Variants in FAF1 observed in about 807,000 individuals in gnomAD.
FAF1 encodes Fas associated factor 1, also known as FAS-associated factor 1.
Under a neutral mutation model 92.5 loss-of-function variants are expected in FAF1, and 25 were observed. The ratio of observed to expected loss-of-function variants is 0.27; its 90% CI spans 0.20 to 0.38. FAF1 has a LOEUF of 0.38. FAF1 is among the 10% of genes least tolerant of loss of function. The pLI is 1.00. For synonymous variants in FAF1, 234 were observed against 273.2 expected (o/e 0.86, Z 1.42); for missense variants, 636 against 793.3 (o/e 0.80, Z 2.38).
At chr1:50,866,142 T>C (rs562188083) in intron 1 of FAF1, among the ~76,000 whole-genome samples, 24 of 152,052 alleles carry the variant, frequency 1.6e-4, no homozygotes, top group Middle Eastern at 6.8e-3. Context: ...GTTGACAAAA[T>C]CCAGCATTTC....
chr1:50,900,041 T>C (rs1644784319), intron 1 of FAF1, among the ~76,000 whole-genome samples: 1 of 152,218 alleles, frequency 6.6e-6, no homozygotes, highest in Admixed American at 6.5e-5. Context: ...CCATTTACTT[T>C]ACTTTTTCTT....
At chr1:50,852,545 T>C (rs1192234572) in intron 2 of FAF1, among the ~76,000 whole-genome samples, 1 of 152,076 alleles carries the variant, frequency 6.6e-6, no homozygotes, top group Non-Finnish European at 1.5e-5. Flanking sequence ...TATTTATAAG[T>C]GGTAGGAAGA....
rs753418578 is a variant in FAF1, at chr1:50,535,366, T to C, written c.1494+3A>G. 4.4e-6 allele frequency: 7 copies of C among 1,595,850 alleles called. No individual in the cohort carries two copies. The highest frequency in any genetic ancestry group is 4.3e-6 in the Non-Finnish European group (5 of 1,164,182). ...ATCCTATTAAAGATCTGCATAACCT[T>C]ACCTCGTCCTTTATATCTTCCTGTT... On this transcript the variant is annotated splice_donor_region_variant and intron_variant, in intron 15 of 18. Coordinates refer to ENST00000396153, the MANE Select transcript of FAF1 (RefSeq NM_007051.3).
intron 6 of FAF1, among the ~76,000 whole-genome samples, chr1:50,706,258 A>G (rs1358240290): frequency 6.6e-6 from 1 of 152,232 alleles, no homozygotes; most frequent in African/African-American, 2.4e-5. Context: ...ACTCTGGTTC[A>G]ATTCCAAGTG....
chr1:50,836,706 A>T (rs946217842), intron 2 of FAF1, among the ~76,000 whole-genome samples: 19 of 152,174 alleles, frequency 1.2e-4, no homozygotes, highest in Admixed American at 5.9e-4. Context: ...TTGCAACCTT[A>T]TAAACATACA....
intron 8 of FAF1, among the ~76,000 whole-genome samples, chr1:50,614,029 G>T (rs1366889466): frequency 1.3e-5 from 2 of 151,934 alleles, no homozygotes; most frequent in East Asian, 3.9e-4. Context: ...CCTGAGAGGT[G>T]GAGGTTGCAG....
chr1:50,594,634 TG>T (rs1253527430), intron 9 of FAF1, among the ~76,000 whole-genome samples: 3 of 23,778 alleles, frequency 1.3e-4, no homozygotes, highest in Non-Finnish European at 2.4e-4. Context: ...CCGGGGGGGG[TG>T]GGGGTTGGGG....
At chr1:50,461,855 C>G (rs1646434870) in intron 18 of FAF1, among the ~76,000 whole-genome samples, 1 of 142,422 alleles carries the variant, frequency 7.0e-6, no homozygotes, top group South Asian at 2.2e-4. Context: ...GACAAAGATT[C>G]TTTGTCTTCT....
At position 50,492,400 on chromosome 1, in the gene FAF1, C is replaced by T. The variant is rs1037926734; in HGVS notation, c.1495-599G>A. ...TTAGTATTTCCCCATTACATTCACA[C>T]TCATGAAGTGTGAATAACAAAAGTT... On this transcript the variant is annotated intron_variant, in intron 15 of 18. Coordinates refer to ENST00000396153, the MANE Select transcript of FAF1 (RefSeq NM_007051.3). Among the ~76,000 whole-genome samples the T allele has an allele frequency of 2.0e-5, 3 of 152,204 alleles. No homozygotes were observed. In the East Asian group the frequency reaches 5.8e-4, roughly 29 times the overall value.
chr1:50,491,136 G>C (rs1464357499), intron 16 of FAF1, among the ~76,000 whole-genome samples: 1 of 151,936 alleles, frequency 6.6e-6, no homozygotes. Context: ...AACATTCCCA[G>C]TATAGTCCCA....
intron 2 of FAF1, among the ~76,000 whole-genome samples, chr1:50,837,389 C>G (rs1330255932): frequency 6.6e-6 from 1 of 152,172 alleles, no homozygotes; most frequent in Admixed American, 6.5e-5. Context: ...GCTTTACATG[C>G]CACTAACAAT....
At chr1:50,504,491 G>A (rs1473151423) in intron 15 of FAF1, among the ~76,000 whole-genome samples, 1 of 151,994 alleles carries the variant, frequency 6.6e-6, no homozygotes, top group African/African-American at 2.4e-5. Flanking sequence ...GAGAAGTTAA[G>A]AGACATGGAA....
At chr1:50,572,845 T>C (rs1650508877) in intron 12 of FAF1, among the ~76,000 whole-genome samples, 1 of 152,168 alleles carries the variant, frequency 6.6e-6, no homozygotes, top group Non-Finnish European at 1.5e-5. Context: ...GCTGCTTCTT[T>C]ATGAAGATGA....
chr1:50,652,112 G>A (rs992601898), intron 8 of FAF1, among the ~76,000 whole-genome samples: 1 of 152,102 alleles, frequency 6.6e-6, no homozygotes, highest in Non-Finnish European at 1.5e-5. Context: ...ACAGGTTCTG[G>A]GACAAGGTGC....
chr1:50,954,519 A>G (rs1397520336), intron 1 of FAF1, among the ~76,000 whole-genome samples: 2 of 143,260 alleles, frequency 1.4e-5, no homozygotes, highest in Non-Finnish European at 1.5e-5. Flanking sequence ...TTCTAAAACA[A>G]TAAAAAAATA....
intron 13 of FAF1, among the ~76,000 whole-genome samples, chr1:50,545,120 G>A (rs552436422): frequency 6.6e-6 from 1 of 151,834 alleles, no homozygotes; most frequent in East Asian, 1.9e-4. Flanking sequence ...ACAAAAAAGA[G>A]GCTAATTTAC....
chr1:50,452,340 G>A (rs750564264), intron 18 of FAF1: 8 of 364,474 alleles, frequency 2.2e-5, no homozygotes, highest in Non-Finnish European at 4.2e-5. Flanking sequence ...TAATGCAGAT[G>A]AGCCCCAGCA....
intron 7 of FAF1, among the ~76,000 whole-genome samples, chr1:50,664,526 C>T (rs777215647): frequency 2.0e-5 from 3 of 149,572 alleles, no homozygotes; most frequent in South Asian, 4.2e-4. Flanking sequence ...GGCGGTGGCT[C>T]ATGCCTGTAA....
chr1:50,859,515 C>T (rs368505105), intron 1 of FAF1, among the ~76,000 whole-genome samples: 1 of 151,758 alleles, frequency 6.6e-6, no homozygotes, highest in Non-Finnish European at 1.5e-5. Context: ...ACAATAGCCA[C>T]AAAGAAAATG....
Sources: gnomAD v4.1 joint callset for allele counts (sites outside exome capture counted in the v4.1 genomes callset) on GRCh38, gnomAD v4.1.1 for gene constraint, MANE v1.5 for transcripts, NCBI Gene and HGNC (gene_info 2026-07-23, HGNC 2026-07-21) for gene names.